SORL1: variants seen among roughly 807,000 people sequenced by gnomAD.
The protein encoded by SORL1 is sortilin related receptor 1.
In SORL1, 127 loss-of-function variants were observed where a neutral mutation model predicts 273.7. That is an observed-to-expected ratio of 0.46 (90% confidence interval 0.40 to 0.54). SORL1 has a LOEUF of 0.54. SORL1 is among the 20% of genes least tolerant of loss of function. The pLI is 0.00. For missense variants in SORL1, 2,494 were observed against 2,846.1 expected (o/e 0.88, Z 2.81); for synonymous variants, 1,031 against 1,067.4 (o/e 0.97, Z 0.66).
chr11:121,555,188 G>T lies in SORL1; in HGVS notation c.2441G>T (p.Arg814Leu). The change falls in exon 18 of 48, where the codon CGC (arginine) becomes CTC (leucine). Residue 814 changes from arginine (R) to leucine (L), a missense_variant and splice_region_variant. By Grantham distance (102) the Arg-to-Leu change is moderately radical. Around this residue, in one of 3 missense-constraint regions of SORL1, gnomAD observed 1,609 missense variants for 1,816.4 expected, o/e 0.89. Transcript: ENST00000260197. ...TTATTATTACTTTTCTCTCTTAAGCGCCTCTGTTTGAATGGAAGCACAGGG... is the reference window on the plus strand; with the variant it reads ...TTATTATTACTTTTCTCTCTTAAGCTCCTCTGTTTGAATGGAAGCACAGGG... ...WSDLALDVIQRLCLNGSTGQE... is the reference protein window; with the variant it reads ...WSDLALDVIQLLCLNGSTGQE... 6.2e-7 allele frequency: 1 copy of T among 1,612,512 alleles called. No individual in the cohort carries two copies. The highest frequency in any genetic ancestry group is 8.5e-7 in the Non-Finnish European group (1 of 1,179,050).
chr11:121,486,246 C>A (rs1342364485), intron 3 of SORL1, among the ~76,000 whole-genome samples: 1 of 152,176 alleles, frequency 6.6e-6, no homozygotes, highest in Non-Finnish European at 1.5e-5. Flanking sequence ...CTCATTCTTC[C>A]AGGAGCAGGG....
intron 2 of SORL1, among the ~76,000 whole-genome samples, chr11:121,472,096 C>A (rs1371096848): frequency 6.6e-6 from 1 of 152,148 alleles, no homozygotes; most frequent in Non-Finnish European, 1.5e-5. Context: ...GGTGACCTAT[C>A]TTCGTGCTAC....
chr11:121,523,004 C>T lies in SORL1; in HGVS notation c.1596+15C>T. The stretch of plus-strand genomic sequence containing the variant: ...GGTGGCGAGAGGTCAGCCCCCTCCC[C>T]CAATCCCGTCCCCTCCACCCTCATT... On this transcript the variant is annotated intron_variant, in intron 11 of 47. Transcript: ENST00000260197. The T allele has an allele frequency of 6.5e-7, 1 of 1,534,294 alleles. No individual in the cohort carries two copies. Among genetic ancestry groups the T allele is most frequent in the Non-Finnish European group, 9.0e-7 (1 of 1,107,546 alleles).
At chr11:121,580,995 C>T (rs188283272) in intron 25 of SORL1, among the ~76,000 whole-genome samples, 201 of 151,446 alleles carry the variant, frequency 1.3e-3, no homozygotes, top group South Asian at 2.3e-3. Flanking sequence ...TTACTGCATC[C>T]TCTGTCTCCC....
intron 21 of SORL1, among the ~76,000 whole-genome samples, chr11:121,562,479 G>A (rs1862691510): frequency 6.6e-6 from 1 of 152,188 alleles, no homozygotes; most frequent in Non-Finnish European, 1.5e-5. Context: ...TCTGAATAGT[G>A]TGATGAAATC....
chr11:121,612,714 CA>C (rs754272226), intron 39 of SORL1, 21 bp from the exon 40 acceptor site: 2 of 1,589,932 alleles, frequency 1.3e-6, no homozygotes, highest in Non-Finnish European at 1.7e-6. Context: ...GTTCATCTAA[CA>C]TGCTTCTTGG....
chr11:121,557,207 C>T, intron 18 of SORL1, 107 bp from the exon 19 acceptor site: 1 of 818,520 alleles, frequency 1.2e-6, no homozygotes. Context: ...AATAGGCAGG[C>T]ATGGAGGGGG....
At chr11:121,575,887 C>T (rs1862921667) in intron 24 of SORL1, among the ~76,000 whole-genome samples, 1 of 152,134 alleles carries the variant, frequency 6.6e-6, no homozygotes, top group Admixed American at 6.5e-5. Context: ...AGTTTCAGCC[C>T]CCTGATCCTC....
chr11:121,477,487 C>T (rs555855757), intron 2 of SORL1, among the ~76,000 whole-genome samples: 14 of 152,346 alleles, frequency 9.2e-5, no homozygotes, highest in Middle Eastern at 3.4e-3. Context: ...AACTCAGCCC[C>T]GGTGAGGAGG....
rs1393556109 is a variant in SORL1, at chr11:121,595,297, G to A, written c.4370-326G>A. 1.3e-5 allele frequency among the ~76,000 whole-genome samples: 2 copies of A among 152,198 alleles called. No individual in the cohort carries two copies. Among genetic ancestry groups the A allele is most frequent in the Non-Finnish European group, 2.9e-5 (2 of 68,030 alleles). On this transcript the variant is annotated intron_variant, in intron 31 of 47. Transcript: ENST00000260197. This position sits in a 1 kb window ranked among gnomAD's most constrained non-coding sequence, Gnocchi z 5.1. ...TTGGTTCTGAGCTTTCTCCTGTGAC[G>A]GCTTAGGGTAGGACGCAGCCTTCGC...
intron 25 of SORL1, among the ~76,000 whole-genome samples, chr11:121,578,417 C>T (rs1237768643): frequency 7.2e-5 from 11 of 152,242 alleles, no homozygotes; most frequent in African/African-American, 2.7e-4. Context: ...ACTTCCTACA[C>T]TGCCCGGCAT....
rs897885084 is a variant in SORL1, at chr11:121,596,307, G to A, written c.4519+535G>A. On this transcript the variant is annotated intron_variant, in intron 32 of 47. Coordinates refer to ENST00000260197, the MANE Select transcript of SORL1 (RefSeq NM_003105.6). This position sits in a 1 kb window ranked among gnomAD's most constrained non-coding sequence, Gnocchi z 4.3. ...CTGAGCCCAGTGTGAGGTGATGCAT[G>A]CATTCTCTACGGGTTTGGAGTTGGT... Among the ~76,000 whole-genome samples the A allele has an allele frequency of 1.3e-5, 2 of 152,230 alleles. No individual in the cohort carries two copies. Among genetic ancestry groups the A allele is most frequent in the Non-Finnish European group, 2.9e-5 (2 of 68,038 alleles).
At chr11:121,516,466 G>T (rs1038035384) in intron 8 of SORL1, among the ~76,000 whole-genome samples, 2 of 152,120 alleles carry the variant, frequency 1.3e-5, no homozygotes, top group Non-Finnish European at 2.9e-5. Context: ...ATATTGGGGG[G>T]AGATCACCAG....
intron 3 of SORL1, among the ~76,000 whole-genome samples, chr11:121,484,994 A>T (rs1344464627): frequency 6.6e-6 from 1 of 152,170 alleles, no homozygotes; most frequent in Non-Finnish European, 1.5e-5. Context: ...ACCTGAAGTG[A>T]TCTGCCCACC....
chr11:121,590,265 G>A (rs979856387), intron 30 of SORL1, 91 bp downstream of exon 30: 12 of 1,333,600 alleles, frequency 9.0e-6, no homozygotes, highest in East Asian at 7.3e-5. Flanking sequence ...GGCTGATTCC[G>A]TGTTTTGGGG....
intron 1 of SORL1, among the ~76,000 whole-genome samples, chr11:121,462,823 G>A (rs1277532648): frequency 6.6e-6 from 1 of 152,182 alleles, no homozygotes; most frequent in Non-Finnish European, 1.5e-5. Flanking sequence ...GGGCTCGAGG[G>A]ATCCACCCGC....
intron 1 of SORL1, among the ~76,000 whole-genome samples, chr11:121,467,455 G>A (rs531928361): frequency 1.3e-5 from 2 of 152,282 alleles, no homozygotes; most frequent in East Asian, 3.9e-4. Context: ...ACCTGCCAGA[G>A]GGAGCATTTT....
chr11:121,579,490 T>G (rs1038806598), intron 25 of SORL1, among the ~76,000 whole-genome samples: 1 of 152,240 alleles, frequency 6.6e-6, no homozygotes, highest in Non-Finnish European at 1.5e-5. Context: ...CGAGGCTGTT[T>G]CTTTATTCAC....
At chr11:121,566,813 T>C in intron 21 of SORL1, 127 bp from the exon 22 acceptor site, 1 of 876,394 alleles carries the variant, frequency 1.1e-6, no homozygotes, top group Non-Finnish European at 1.7e-6. Context: ...GCTTGCCACT[T>C]GACCCTTGAG....
Sources: gnomAD v4.1 joint callset for allele counts (sites outside exome capture counted in the v4.1 genomes callset) on GRCh38, gnomAD v4.1.1 for gene constraint, gnomAD v4.1.1 regional missense constraint, Gnocchi (gnomAD v3.1) non-coding constraint, MANE v1.5 for transcripts, NCBI Gene and HGNC (gene_info 2026-07-23, HGNC 2026-07-21) for gene names.